Variants in DPP8 observed in about 807,000 individuals in gnomAD.
DPP8 encodes the protein dipeptidyl peptidase 8, also known as DPP VIII.
Under a neutral mutation model 107.5 loss-of-function variants are expected in DPP8, and 31 were observed. The ratio of observed to expected loss-of-function variants is 0.29; its 90% CI spans 0.22 to 0.39. DPP8 has a LOEUF of 0.39. Among genes scored for constraint, DPP8 ranks in the 10% least tolerant of loss-of-function variants. The pLI is 1.00. For synonymous variants in DPP8, 381 were observed against 356.6 expected (o/e 1.07, Z -0.77); for missense variants, 842 against 1,076.1 (o/e 0.78, Z 3.04).
chr15:65,513,218 ATTT>A (rs34004289), intron 1 of DPP8, among the ~76,000 whole-genome samples: 1 of 147,634 alleles, frequency 6.8e-6, no homozygotes, highest in Non-Finnish European at 1.5e-5. Flanking sequence ...GTGACTCTAC[ATTT>A]TTTTTTTTTT....
In DPP8 at chr15:65,467,200, C is replaced by G; in HGVS notation, c.1560G>C (p.Arg520Ser). 1.2e-6 allele frequency: 2 copies of G among 1,614,118 alleles called. No homozygotes were observed. Among genetic ancestry groups the G allele is most frequent in the East Asian group, 2.2e-5 (1 of 44,882 alleles). ...GSNIQVDEVRRLVYFEGTKDS... is the reference protein window; with the variant it reads ...GSNIQVDEVRSLVYFEGTKDS... Reference sequence around the variant, plus strand: ...CTTTGGTGCCTTCAAAATATACCAGCCTTCTGACTTCATCAACTTGGATCT... The same window carrying G: ...CTTTGGTGCCTTCAAAATATACCAGGCTTCTGACTTCATCAACTTGGATCT... The change falls in exon 13 of 20, where the codon AGG (arginine) becomes AGC (serine). Residue 520 changes from arginine (R) to serine (S), a missense_variant. Transcript: ENST00000300141.
At chr15:65,466,569 T>C in intron 14 of DPP8, 109 bp downstream of exon 14, 1 of 962,368 alleles carries the variant, frequency 1.0e-6, no homozygotes, top group South Asian at 1.5e-5. Flanking sequence ...GGACAGGCAG[T>C]GGTGAGAGAT....
chr15:65,463,580 C>T lies in DPP8; in HGVS notation c.1971+181G>A, dbSNP rs540261354. Reference sequence around the variant, plus strand: ...AAGACTCAGTGATTTACAAATTAAACCTCCAACAAAAACCAGTTTCCTGAC... The same window carrying T: ...AAGACTCAGTGATTTACAAATTAAATCTCCAACAAAAACCAGTTTCCTGAC... On this transcript the variant is annotated intron_variant, in intron 15 of 19. Coordinates refer to ENST00000300141, the MANE Select transcript of DPP8 (RefSeq NM_130434.5). 2.7e-5 allele frequency among the ~76,000 whole-genome samples: 4 copies of T among 150,644 alleles called. No individual in the cohort carries two copies. The South Asian group carries it at 8.4e-4, about 32-fold the overall frequency.
chr15:65,481,003 T>C (rs956114879), intron 9 of DPP8, among the ~76,000 whole-genome samples: 1 of 151,708 alleles, frequency 6.6e-6, no homozygotes, highest in Admixed American at 6.6e-5. Flanking sequence ...AGGATAGCTT[T>C]AGCCAGGGAG....
At chr15:65,451,830 T>A in intron 18 of DPP8, 130 bp downstream of exon 18, 1 of 892,130 alleles carries the variant, frequency 1.1e-6, no homozygotes, top group Non-Finnish European at 1.6e-6. Context: ...GGGGCTGAGG[T>A]GGGAGGATCC....
intron 19 of DPP8, 54 bp from the exon 20 acceptor site, chr15:65,447,060 A>ATCTTCT (rs1227763422): frequency 7.2e-7 from 1 of 1,387,380 alleles, no homozygotes; most frequent in Non-Finnish European, 9.7e-7. Flanking sequence ...TTAGTAATAC[A>ATCTTCT]TCTTCTTCCA....
chr15:65,462,130 G>T (rs899362819), intron 15 of DPP8, among the ~76,000 whole-genome samples: 17 of 151,620 alleles, frequency 1.1e-4, no homozygotes, highest in African/African-American at 4.1e-4. Flanking sequence ...CACTGCGCCC[G>T]ACTAATTTTT....
chr15:65,450,908 A>T, intron 19 of DPP8, 91 bp downstream of exon 19: 1 of 807,562 alleles, frequency 1.2e-6, no homozygotes, highest in Non-Finnish European at 2.1e-6. Flanking sequence ...GGACACTCTA[A>T]AAATCTGGAC....
chr15:65,501,719 T>C (rs2069253749), intron 3 of DPP8, among the ~76,000 whole-genome samples: 2 of 152,294 alleles, frequency 1.3e-5, no homozygotes, highest in Admixed American at 6.5e-5. Flanking sequence ...CTGATCTGAA[T>C]AAAACTCAAT....
rs2063395435 is a variant in DPP8, at chr15:65,443,964, TG to T, written c.*2919del. ...CAGAATCTCACTCTGTCGCCCAGACTGGACTACAGTGGCGCCATCTCGGCTC... is the reference window on the plus strand; with the variant it reads ...CAGAATCTCACTCTGTCGCCCAGACTGACTACAGTGGCGCCATCTCGGCTC... On this transcript the variant is annotated 3_prime_UTR_variant, in exon 20 of 20. Transcript: ENST00000300141. The T allele has an allele frequency of 6.6e-6, 1 of 152,272 alleles. No homozygotes were observed. Among genetic ancestry groups the T allele is most frequent in the South Asian group, 2.1e-4 (1 of 4,836 alleles). 9.4% of individuals were successfully genotyped at this position (152,272 alleles called of 1,614,324 possible).
intron 11 of DPP8, 30 bp from the exon 12 acceptor site, chr15:65,474,318 C>A (rs777211037): frequency 7.0e-7 from 1 of 1,433,994 alleles, no homozygotes; most frequent in South Asian, 1.1e-5. Context: ...TAATTCAGTA[C>A]ATTATACCAG....
At chr15:65,498,620 C>T (rs905630776) in intron 4 of DPP8, among the ~76,000 whole-genome samples, 1 of 152,042 alleles carries the variant, frequency 6.6e-6, no homozygotes, top group Non-Finnish European at 1.5e-5. Context: ...AGAGTAATTA[C>T]TGTTCATTAA....
At chr15:65,448,040 A>C (rs1222702877) in intron 19 of DPP8, among the ~76,000 whole-genome samples, 4 of 152,182 alleles carry the variant, frequency 2.6e-5, no homozygotes, top group Non-Finnish European at 5.9e-5. Flanking sequence ...TCCACACTTT[A>C]CTGTGACAGA....
chr15:65,485,238 CACTT>C, intron 7 of DPP8, 78 bp from the exon 8 acceptor site: 1 of 1,118,128 alleles, frequency 8.9e-7, no homozygotes, highest in Non-Finnish European at 1.4e-6. Context: ...ATCCTCTTTA[CACTT>C]TAGTTAAGAA....
chr15:65,456,847 CA>C (rs1224962416), intron 15 of DPP8, among the ~76,000 whole-genome samples: 8 of 152,254 alleles, frequency 5.3e-5, no homozygotes, highest in African/African-American at 1.9e-4. Context: ...CATCTCATAC[CA>C]TTTCCCTCCA....
In DPP8 at chr15:65,500,755, A is replaced by G; in HGVS notation, c.397T>C (p.Ser133Pro). The G allele has an allele frequency of 6.2e-7, 1 of 1,614,026 alleles. No homozygotes were observed. The highest frequency in any genetic ancestry group is 8.5e-7 in the Non-Finnish European group (1 of 1,179,966). Reference sequence around the variant, plus strand: ...TCTCTTAATAGTTCTTCTTCTCGAGAATACATTCCATAGTCCAGTGTTGCC... The same window carrying G: ...TCTCTTAATAGTTCTTCTTCTCGAGGATACATTCCATAGTCCAGTGTTGCC... ...FQATLDYGMY[S>P]REEELLRERK... The change falls in exon 4 of 20, where the codon TCT becomes CCT. Residue 133 changes from serine (S) to proline (P), a missense_variant. By Grantham distance (74) the Ser-to-Pro change is moderately conservative. Coordinates refer to ENST00000300141, the MANE Select transcript of DPP8 (RefSeq NM_130434.5).
At chr15:65,454,954 G>A (rs1264405038) in intron 16 of DPP8, among the ~76,000 whole-genome samples, 5 of 152,056 alleles carry the variant, frequency 3.3e-5, no homozygotes, top group African/African-American at 1.2e-4. Context: ...CTAGAGTTTA[G>A]TTACCACTTA....
At chr15:65,449,234 T>A (rs1033566365) in intron 19 of DPP8, among the ~76,000 whole-genome samples, 7 of 143,602 alleles carry the variant, frequency 4.9e-5, no homozygotes, top group South Asian at 2.2e-4. Context: ...TAAAAATAAA[T>A]ATATATATAT....
intron 1 of DPP8, among the ~76,000 whole-genome samples, chr15:65,513,373 C>T (rs764466226): frequency 2.6e-5 from 4 of 152,176 alleles, no homozygotes; most frequent in South Asian, 2.1e-4. Context: ...CCACAACGCC[C>T]GGCTAATTTT....
Sources: gnomAD v4.1 joint callset for allele counts (sites outside exome capture counted in the v4.1 genomes callset) on GRCh38, gnomAD v4.1.1 for gene constraint, MANE v1.5 for transcripts, NCBI Gene and HGNC (gene_info 2026-07-23, HGNC 2026-07-21) for gene names.